Variants in MTHFD1L observed in about 807,000 individuals in gnomAD.
MTHFD1L encodes monofunctional C1-tetrahydrofolate synthase, mitochondrial.
MTHFD1L carries 81 observed loss-of-function variants against 119.5 expected under a neutral mutation model. The observed-to-expected ratio is 0.68, with a 90% confidence interval of 0.57 to 0.82. MTHFD1L has a LOEUF of 0.82. Among genes scored for constraint, MTHFD1L ranks in the 40% least tolerant of loss-of-function variants. The probability of loss-of-function intolerance (pLI) is 0.00; values close to 1 mark genes in which losing one functional copy is unlikely to be tolerated. For synonymous variants in MTHFD1L, 430 were observed against 475.2 expected, an observed-to-expected ratio of 0.90 and a Z score of 1.24; for missense variants, 1,125 against 1,253.4, an observed-to-expected ratio of 0.90 and a Z score of 1.55.
intron 26 of MTHFD1L, among the ~76,000 whole-genome samples, chr6:151,043,826 C>A (rs1284920547): frequency 6.6e-6 from 1 of 152,042 alleles, no homozygotes; most frequent in Non-Finnish European, 1.5e-5. Context: ...GATAGCCAGG[C>A]CACCCTCAGA....
At chr6:150,882,299 T>C (rs570162465) in intron 4 of MTHFD1L, among the ~76,000 whole-genome samples, 6 of 152,368 alleles carry the variant, frequency 3.9e-5, no homozygotes, top group Admixed American at 2.0e-4. Context: ...TAGTGAGCTG[T>C]GTTGAACACA....
chr6:151,037,794 C>T lies in MTHFD1L; in HGVS notation c.2847+677C>T, dbSNP rs535721223. Among the ~76,000 whole-genome samples the T allele has an allele frequency of 2.6e-5, 4 of 152,300 alleles. No individual in the cohort carries two copies. In the South Asian group the frequency reaches 8.3e-4, roughly 32 times the overall value. ...ACACAGTGATAGCCTTCCGTTGGTACCGTCAGTGGCCTAAATTTGACTTCT... is the reference window on the plus strand; with the variant it reads ...ACACAGTGATAGCCTTCCGTTGGTATCGTCAGTGGCCTAAATTTGACTTCT... On this transcript the variant is annotated intron_variant, in intron 26 of 27. Coordinates refer to ENST00000367321, the MANE Select transcript of MTHFD1L (RefSeq NM_015440.5).
At chr6:150,958,388 G>A (rs1240213526) in intron 17 of MTHFD1L, among the ~76,000 whole-genome samples, 1 of 152,118 alleles carries the variant, frequency 6.6e-6, no homozygotes, top group Non-Finnish European at 1.5e-5. Flanking sequence ...GCTGTAGTAA[G>A]TATACACATA....
At chr6:151,045,587 C>T (rs769789111) in intron 26 of MTHFD1L, among the ~76,000 whole-genome samples, 12 of 152,222 alleles carry the variant, frequency 7.9e-5, no homozygotes, top group Non-Finnish European at 1.8e-4. Flanking sequence ...TTGGCTCATG[C>T]TCTGCCGGTG....
intron 1 of MTHFD1L, among the ~76,000 whole-genome samples, chr6:150,874,705 C>T (rs1272141964): frequency 1.3e-5 from 2 of 151,922 alleles, no homozygotes; most frequent in Non-Finnish European, 2.9e-5. Flanking sequence ...AGGGTGGTGG[C>T]GAAGGTAGCC....
chr6:150,923,538 T>TTTATTTATTTATTTA (rs1199730832), intron 10 of MTHFD1L, among the ~76,000 whole-genome samples: 2 of 129,866 alleles, frequency 1.5e-5, no homozygotes, highest in African/African-American at 7.2e-5. Flanking sequence ...TATTTATTTA[T>TTTATTTATTTATTTA]TTTTTCTTTT....
intron 16 of MTHFD1L, among the ~76,000 whole-genome samples, chr6:150,951,934 T>C (rs1583757254): frequency 6.6e-6 from 1 of 152,198 alleles, no homozygotes; most frequent in East Asian, 1.9e-4. Flanking sequence ...GAAAGTTTTA[T>C]GCCAATTGGT....
intron 27 of MTHFD1L, among the ~76,000 whole-genome samples, chr6:151,098,056 C>A (rs1267261422): frequency 6.6e-6 from 1 of 152,106 alleles, no homozygotes; most frequent in East Asian, 1.9e-4. Flanking sequence ...CACCTGTAAT[C>A]TCAGCTACTC....
intron 1 of MTHFD1L, among the ~76,000 whole-genome samples, chr6:150,872,541 C>T (rs1476651926): frequency 3.9e-5 from 6 of 152,096 alleles, no homozygotes; most frequent in Admixed American, 6.6e-5. Context: ...ATCATGGCCA[C>T]GGTTTGGCCA....
intron 26 of MTHFD1L, among the ~76,000 whole-genome samples, chr6:151,065,370 A>G (rs899728600): frequency 9.9e-5 from 15 of 152,178 alleles, no homozygotes; most frequent in African/African-American, 3.4e-4. Context: ...TCTCCAGACA[A>G]TGGGGCCTTA....
At chr6:150,908,184 G>A (rs1397565355) in intron 8 of MTHFD1L, among the ~76,000 whole-genome samples, 2 of 151,120 alleles carry the variant, frequency 1.3e-5, no homozygotes, top group Non-Finnish European at 3.0e-5. Flanking sequence ...CTAGGATTAC[G>A]GGCATGAGCC....
chr6:150,889,125 C>T lies in MTHFD1L; in HGVS notation c.780+1144C>T, dbSNP rs993072362. On this transcript the variant is annotated intron_variant, in intron 7 of 27. Coordinates refer to ENST00000367321, the MANE Select transcript of MTHFD1L (RefSeq NM_015440.5). Reference sequence around the variant, plus strand: ...CCGGGAGGCAGGGGTTGCAGTGAGCCGCGATCGTGCCACTGCACTCCAGCC... The same window carrying T: ...CCGGGAGGCAGGGGTTGCAGTGAGCTGCGATCGTGCCACTGCACTCCAGCC... Among the ~76,000 whole-genome samples, 7 of 151,252 alleles carry T rather than the reference C, an allele frequency of 4.6e-5. No individual in the cohort carries two copies. The East Asian group carries it at 1.2e-3, about 25-fold the overall frequency.
rs142589711 is a variant in MTHFD1L at position 151,030,620 on chromosome 6, T to C, written c.2587-3873T>C. On this transcript the variant is annotated intron_variant, in intron 24 of 27. Transcript: ENST00000367321. ...AACATAGGCTGCTCATGATCTAAGA[T>C]TCATGGAAAAAGTCTTCTGCGCTGT... Among the ~76,000 whole-genome samples, 209 of 152,346 alleles carry C rather than the reference T, an allele frequency of 1.4e-3. 1 individual carries two copies. Among genetic ancestry groups the C allele is most frequent in the African/African-American group, 4.8e-3 (199 of 41,592 alleles).
intron 1 of MTHFD1L, chr6:150,866,398 G>C: frequency 2.2e-6 from 3 of 1,372,148 alleles, no homozygotes; most frequent in Non-Finnish European, 2.8e-6. Flanking sequence ...GTAAAGGGGC[G>C]GTGCGGCTGG....
chr6:151,101,388 T>G (rs1378813592), intron 27 of MTHFD1L, 138 bp from the exon 28 acceptor site: 1 of 152,226 alleles, frequency 6.6e-6, no homozygotes, highest in Non-Finnish European at 1.5e-5. Context: ...AGATCAGCCT[T>G]ATCTAGCGAA....
intron 6 of MTHFD1L, among the ~76,000 whole-genome samples, chr6:150,886,311 G>A (rs781597447): frequency 2.2e-4 from 34 of 151,936 alleles, no homozygotes; most frequent in Non-Finnish European, 3.8e-4. Flanking sequence ...TGGTGTGCAC[G>A]TGTAGTCCCA....
intron 27 of MTHFD1L, among the ~76,000 whole-genome samples, chr6:151,093,232 T>C (rs895182838): frequency 6.6e-6 from 1 of 152,188 alleles, no homozygotes; most frequent in Non-Finnish European, 1.5e-5. Flanking sequence ...TGCAGCTGCG[T>C]CACTCCCGTC....
intron 12 of MTHFD1L, among the ~76,000 whole-genome samples, chr6:150,938,436 A>T (rs1280444729): frequency 2.6e-5 from 4 of 151,574 alleles, no homozygotes; most frequent in Non-Finnish European, 5.9e-5. Context: ...ATATCCTGGT[A>T]TGTTTTACAG....
intron 6 of MTHFD1L, among the ~76,000 whole-genome samples, chr6:150,886,882 G>A (rs781161274): frequency 3.3e-5 from 5 of 151,092 alleles, no homozygotes; most frequent in Non-Finnish European, 7.4e-5. Flanking sequence ...TGTAGTCCCG[G>A]CTACTTGGGA....
Sources: gnomAD v4.1 joint callset for allele counts (sites outside exome capture counted in the v4.1 genomes callset) on GRCh38, gnomAD v4.1.1 for gene constraint, MANE v1.5 for transcripts, NCBI Gene and HGNC (gene_info 2026-07-23, HGNC 2026-07-21) for gene names.